CPLX1: variants seen among roughly 807,000 people sequenced by gnomAD.
CPLX1 encodes complexin 1.
CPLX1 carries 6 observed loss-of-function variants against 15.6 expected under a neutral mutation model. That is an observed-to-expected ratio of 0.39 (90% CI 0.21 to 0.76). The LOEUF (loss-of-function observed/expected upper bound fraction) is 0.76, where lower values mean the gene tolerates loss of function less well. Among genes scored for constraint, CPLX1 ranks in the 30% least tolerant of loss-of-function variants. The pLI is 0.43. For synonymous variants in CPLX1, 91 were observed against 75.2 expected (o/e 1.21, Z -1.08); for missense variants, 242 against 188.6 (o/e 1.28, Z -1.66).
intron 2 of CPLX1, among the ~76,000 whole-genome samples, chr4:816,674 T>C (rs62294157): frequency 6.6e-6 from 1 of 151,742 alleles, no homozygotes; most frequent in Non-Finnish European, 1.5e-5. Context: ...AAAAAAAAAT[T>C]AGCCAAGTGT....
intron 2 of CPLX1, 55 bp downstream of exon 2, chr4:824,437 T>C (rs1577000556): frequency 2.0e-6 from 3 of 1,489,412 alleles, no homozygotes; most frequent in Non-Finnish European, 2.8e-6. Flanking sequence ...GCAGCTGCTG[T>C]GGTGGTCTCT....
intron 3 of CPLX1, chr4:787,312 T>C: frequency 1.0e-6 from 1 of 985,378 alleles, no homozygotes; most frequent in Non-Finnish European, 1.2e-6. Flanking sequence ...TCAGCCAGTA[T>C]GCCTGGGCCT....
intron 2 of CPLX1, among the ~76,000 whole-genome samples, chr4:820,196 G>A (rs56661751): frequency 0.2 from 28,781 of 143,308 alleles, 3,184 homozygotes; most frequent in East Asian, 0.35. Context: ...CCGTCCTCCC[G>A]GACCCAGCTC....
intron 2 of CPLX1, among the ~76,000 whole-genome samples, chr4:794,345 C>T (rs566867168): frequency 6.6e-6 from 1 of 152,232 alleles, no homozygotes; most frequent in Non-Finnish European, 1.5e-5. Flanking sequence ...CCTCTTGCTG[C>T]CCTCGTCGCT....
At chr4:791,776 G>T (rs1363237935) in intron 3 of CPLX1, among the ~76,000 whole-genome samples, 1 of 152,122 alleles carries the variant, frequency 6.6e-6, no homozygotes, top group East Asian at 1.9e-4. Context: ...AGCACCCCAG[G>T]CCCCTTCTAC....
intron 2 of CPLX1, among the ~76,000 whole-genome samples, chr4:795,265 G>A (rs1271188138): frequency 6.6e-6 from 1 of 152,272 alleles, no homozygotes; most frequent in Non-Finnish European, 1.5e-5. Context: ...AGTGCCATTT[G>A]CTCTCCCGGC....
intron 3 of CPLX1, chr4:788,538 G>C: frequency 1.0e-6 from 1 of 985,478 alleles, no homozygotes; most frequent in South Asian, 4.7e-5. Flanking sequence ...GGGTAGGAAC[G>C]TTCTCCGCAC....
At position 788,529 on chromosome 4, in the gene CPLX1, G is replaced by A. The variant is rs1237182708; in HGVS notation, c.208-1831C>T. The A allele has an allele frequency of 4.1e-6, 4 of 985,346 alleles. No individual in the cohort carries two copies. In the East Asian group the frequency reaches 4.5e-4, roughly 112 times the overall value. 61.0% of individuals were successfully genotyped at this position (985,346 alleles called of 1,614,324 possible). On this transcript the variant is annotated intron_variant, in intron 3 of 3. Transcript: ENST00000304062. The stretch of plus-strand genomic sequence containing the variant: ...CTCCTCAGTGAAACGAAGAGCACAG[G>A]GTAGGAACGTTCTCCGCACAACAGG...
At chr4:791,673 C>T (rs1448415972) in intron 3 of CPLX1, among the ~76,000 whole-genome samples, 1 of 152,198 alleles carries the variant, frequency 6.6e-6, no homozygotes, top group African/African-American at 2.4e-5. Flanking sequence ...GGGACTGAGG[C>T]CACCTTCTGG....
chr4:813,459 G>A (rs1746698096), intron 2 of CPLX1, among the ~76,000 whole-genome samples: 1 of 152,096 alleles, frequency 6.6e-6, no homozygotes, highest in Non-Finnish European at 1.5e-5. Flanking sequence ...TGGGACTGGA[G>A]GCCCTGCTGT....
At chr4:788,256 G>C in intron 3 of CPLX1, 4 of 985,254 alleles carry the variant, frequency 4.1e-6, no homozygotes, top group East Asian at 1.1e-4. Context: ...CAAATGGAGG[G>C]GGGGCTGCCT....
intron 2 of CPLX1, among the ~76,000 whole-genome samples, chr4:816,683 G>A (rs1746762878): frequency 6.6e-6 from 1 of 151,978 alleles, no homozygotes; most frequent in African/African-American, 2.4e-5. Flanking sequence ...TTAGCCAAGT[G>A]TGGTGGTACA....
intron 2 of CPLX1, among the ~76,000 whole-genome samples, chr4:805,929 G>A (rs1158329555): frequency 1.3e-5 from 2 of 152,190 alleles, no homozygotes; most frequent in Non-Finnish European, 2.9e-5. Flanking sequence ...GAAGTAAAGT[G>A]GTGGGTGCGA....
chr4:819,537 CAT>C (rs1350286930), intron 2 of CPLX1, among the ~76,000 whole-genome samples: 1 of 152,230 alleles, frequency 6.6e-6, no homozygotes, highest in African/African-American at 2.4e-5. Context: ...CTTTCGAGCA[CAT>C]GCCTTGTTCC....
At chr4:810,454 C>T (rs2152646842) in intron 2 of CPLX1, among the ~76,000 whole-genome samples, 1 of 152,274 alleles carries the variant, frequency 6.6e-6, no homozygotes, top group South Asian at 2.1e-4. Flanking sequence ...AAGCTGTTTT[C>T]CAGTGCGGTT....
intron 2 of CPLX1, among the ~76,000 whole-genome samples, chr4:810,681 C>T (rs1158054616): frequency 2.6e-5 from 4 of 151,884 alleles, no homozygotes; most frequent in Non-Finnish European, 5.9e-5. Flanking sequence ...ATCTTTTGCA[C>T]ATTTTCTTTT....
intron 2 of CPLX1, among the ~76,000 whole-genome samples, chr4:797,516 C>T (rs958677903): frequency 9.9e-5 from 15 of 152,114 alleles, no homozygotes; most frequent in African/African-American, 3.4e-4. Context: ...TTAATAGAGA[C>T]GGGGTTTCAC....
intron 2 of CPLX1, among the ~76,000 whole-genome samples, chr4:819,915 C>A (rs541984826): frequency 6.6e-6 from 1 of 152,226 alleles, no homozygotes; most frequent in East Asian, 1.9e-4. Context: ...GAAGGTGGCA[C>A]CTGATGGCAC....
chr4:792,108 G>A (rs1375988796), intron 3 of CPLX1, among the ~76,000 whole-genome samples: 1 of 151,886 alleles, frequency 6.6e-6, no homozygotes, highest in Non-Finnish European at 1.5e-5. Context: ...CACCCCCCAT[G>A]CCAGGTGGCC....
Sources: gnomAD v4.1 joint callset for allele counts (sites outside exome capture counted in the v4.1 genomes callset) on GRCh38, gnomAD v4.1.1 for gene constraint, MANE v1.5 for transcripts, NCBI Gene and HGNC (gene_info 2026-07-23, HGNC 2026-07-21) for gene names.